The following EFHC1 variants were observed in gnomAD, a reference collection of about 807,000 sequenced individuals.
The protein encoded by EFHC1 is EF-hand domain-containing protein 1.
Under a neutral mutation model 69.9 loss-of-function variants are expected in EFHC1, and 53 were observed. The observed-to-expected ratio is 0.76, with a 90% CI of 0.61 to 0.95. The LOEUF is 0.95. Among genes scored for constraint, EFHC1 ranks in the 40% least tolerant of loss-of-function variants. The pLI is 0.00. For missense variants in EFHC1, 739 were observed against 798.7 expected, an observed-to-expected ratio of 0.93 and a Z score of 0.90; for synonymous variants, 256 against 278.4, an observed-to-expected ratio of 0.92 and a Z score of 0.80.
At chr6:52,453,174 A>T (rs1054821366) in intron 4 of EFHC1, 1 of 1,331,224 alleles carries the variant, frequency 7.5e-7, no homozygotes, top group Admixed American at 2.2e-5. Context: ...AGCTAATTTC[A>T]TAGACTCCTT....
intron 3 of EFHC1, among the ~76,000 whole-genome samples, chr6:52,447,578 A>G (rs564854836): frequency 2.0e-5 from 3 of 152,344 alleles, no homozygotes; most frequent in Non-Finnish European, 4.4e-5. Flanking sequence ...AATTCATCAA[A>G]GTCATTCTGC....
Position 52,438,567 on chromosome 6 carries a change from T to C in EFHC1, c.549T>C (p.Val183=), listed in dbSNP as rs1325583556. 2 of 1,614,010 alleles carry C rather than the reference T, an allele frequency of 1.2e-6. No homozygotes were observed. The highest frequency in any genetic ancestry group is 4.5e-5 in the East Asian group (2 of 44,882). Residue 183 remains valine (V), a synonymous_variant, in exon 3 of 11, where the codon GTT becomes GTC. Coordinates refer to ENST00000371068, the MANE Select transcript of EFHC1 (RefSeq NM_018100.4). ...CAATTTATGGCAAAACTTTCCGCGT[T>C]GTTGACTGTGACCAATTCACACAGG... ...NITIYGKTFR[V]VDCDQFTQVF...
intron 2 of EFHC1, among the ~76,000 whole-genome samples, chr6:52,427,221 C>A (rs1356311502): frequency 6.6e-6 from 1 of 152,192 alleles, no homozygotes; most frequent in Non-Finnish European, 1.5e-5. Context: ...TGAAACACTT[C>A]CATGGCTTCC....
At chr6:52,478,861 A>C (rs1429095342) in intron 7 of EFHC1, among the ~76,000 whole-genome samples, 176 bp from the exon 8 acceptor site, 2 of 152,218 alleles carry the variant, frequency 1.3e-5, no homozygotes, top group African/African-American at 4.8e-5. Flanking sequence ...AGCTTCCCTT[A>C]GATGAGGCAT....
chr6:52,422,528 A>G (rs940863218), intron 1 of EFHC1, among the ~76,000 whole-genome samples: 1 of 152,164 alleles, frequency 6.6e-6, no homozygotes, highest in African/African-American at 2.4e-5. Flanking sequence ...TGTACCTTTC[A>G]TGTTAGTACA....
At chr6:52,437,126 C>G (rs1400227368) in intron 2 of EFHC1, among the ~76,000 whole-genome samples, 1 of 151,968 alleles carries the variant, frequency 6.6e-6, no homozygotes, top group Non-Finnish European at 1.5e-5. Flanking sequence ...ATGTACACAC[C>G]CTTCAAAGAT....
intron 3 of EFHC1, among the ~76,000 whole-genome samples, chr6:52,446,731 CAGG>C (rs1207161451): frequency 2.6e-5 from 4 of 152,126 alleles, no homozygotes; most frequent in Non-Finnish European, 4.4e-5. Context: ...GTGCTTCCTT[CAGG>C]AGTTCTTTTA....
At position 52,446,850 on chromosome 6, in the gene EFHC1, A is replaced by G. The variant is rs184705624; in HGVS notation, c.574-5838A>G. On this transcript the variant is annotated intron_variant, in intron 3 of 10. Transcript: ENST00000371068. ...AGTTTGGCTGGATATGAAATTCTGG[A>G]TTGAAAATTCTTTTCTTTAAGAATG... 5.6e-3 allele frequency among the ~76,000 whole-genome samples: 846 copies of G among 152,226 alleles called. 8 individuals are homozygous for G. Among genetic ancestry groups the G allele is most frequent in the African/African-American group, 0.019 (795 of 41,550 alleles).
In EFHC1 at chr6:52,495,006, GA is replaced by G. The variant is rs1766014394; in HGVS notation, c.*2667del. Reference sequence around the variant, plus strand: ...AGAGCCCCGTTTTGGTGAGTTCTTAGAACTCTTTCCAACCGGAAACTGCCCA... The same window carrying G: ...AGAGCCCCGTTTTGGTGAGTTCTTAGACTCTTTCCAACCGGAAACTGCCCA... On this transcript the variant is annotated 3_prime_UTR_variant, in exon 11 of 11. Coordinates refer to ENST00000371068, the MANE Select transcript of EFHC1 (RefSeq NM_018100.4). 1 of 453,908 alleles carries G rather than the reference GA, an allele frequency of 2.2e-6. No homozygotes were observed. Among genetic ancestry groups the G allele is most frequent in the Admixed American group, 2.3e-5 (1 of 42,554 alleles). The allele number at this position is 453,908 out of a possible 1,614,324, so 28.1% of individuals were successfully genotyped here. A position where few individuals can be genotyped will look rare whatever the true frequency, so the allele number is the denominator to read the frequency against.
chr6:52,435,476 AC>A (rs1764511227), intron 2 of EFHC1, among the ~76,000 whole-genome samples: 2 of 152,292 alleles, frequency 1.3e-5, no homozygotes, highest in South Asian at 4.2e-4. Context: ...CATCTGCCAT[AC>A]CCAAATTATC....
At chr6:52,438,719 C>A in intron 3 of EFHC1, 128 bp downstream of exon 3, 2 of 1,022,720 alleles carry the variant, frequency 2.0e-6, no homozygotes, top group Non-Finnish European at 3.0e-6. Flanking sequence ...TTATGAATGG[C>A]TAGGTATTTG....
At chr6:52,486,258 G>A (rs1439932417) in intron 9 of EFHC1, 2 of 152,102 alleles carry the variant, frequency 1.3e-5, no homozygotes, top group African/African-American at 4.8e-5. Flanking sequence ...ATAATGCATA[G>A]GTAACTGAGT....
intron 3 of EFHC1, among the ~76,000 whole-genome samples, chr6:52,449,298 G>A (rs569060278): frequency 2.2e-4 from 33 of 151,620 alleles, no homozygotes; most frequent in Admixed American, 3.9e-4. Flanking sequence ...GGAGAATGGC[G>A]TGAACCCAGG....
At chr6:52,467,263 C>T (rs1413178035) in intron 6 of EFHC1, among the ~76,000 whole-genome samples, 3 of 150,998 alleles carry the variant, frequency 2.0e-5, no homozygotes, top group Admixed American at 6.6e-5. Context: ...CTCACTGCAA[C>T]GTCCACCTCC....
chr6:52,456,070 G>A (rs1765038015), intron 5 of EFHC1, among the ~76,000 whole-genome samples: 2 of 152,216 alleles, frequency 1.3e-5, no homozygotes, highest in Middle Eastern at 3.2e-3. Context: ...CATGTGAGGA[G>A]AGGAGAATGA....
chr6:52,455,015 C>T (rs1053336395), intron 5 of EFHC1, among the ~76,000 whole-genome samples: 1 of 151,898 alleles, frequency 6.6e-6, no homozygotes, highest in Admixed American at 6.6e-5. Flanking sequence ...TCATCTGAGC[C>T]TGGGAGGTCG....
Position 52,453,760 on chromosome 6 carries a change from A to AAT in EFHC1, c.724-325_724-324dup, listed in dbSNP as rs746668758. On this transcript the variant is annotated intron_variant, in intron 4 of 10. Coordinates refer to ENST00000371068, the MANE Select transcript of EFHC1 (RefSeq NM_018100.4). ...AACCATATTCACATGTACCTTTATTAATATATATATACCACTATGTAAAGA... is the reference window on the plus strand; with the variant it reads ...AACCATATTCACATGTACCTTTATTAATATATATATATACCACTATGTAAAGA... The AAT allele has an allele frequency of 1.3e-3, 1,558 of 1,244,616 alleles. 2 individuals carry two copies. The highest frequency in any genetic ancestry group is 1.4e-3 in the Non-Finnish European group (1,365 of 968,368). The allele number at this position is 1,244,616 out of a possible 1,614,324, so 77.1% of individuals were successfully genotyped here.
At chr6:52,438,197 G>C in intron 2 of EFHC1, 107 bp from the exon 3 acceptor site, 1 of 1,097,548 alleles carries the variant, frequency 9.1e-7, no homozygotes, top group East Asian at 2.6e-5. Flanking sequence ...AGTGATGAGT[G>C]TTAAAATCTC....
At position 52,477,352 on chromosome 6, in the gene EFHC1, T is replaced by C. The variant is rs76601633; in HGVS notation, c.1279-1685T>C. Among the ~76,000 whole-genome samples the C allele has an allele frequency of 2.8e-3, 431 of 152,306 alleles. 2 individuals carry two copies. The highest frequency in any genetic ancestry group is 9.6e-3 in the African/African-American group (401 of 41,572). On this transcript the variant is annotated intron_variant, in intron 7 of 10. Transcript: ENST00000371068. ...AAAATCTAATGACTTTTTTAATAGA[T>C]GAGGAATTATTACACAAACAATCCC...
Sources: gnomAD v4.1 joint callset for allele counts (sites outside exome capture counted in the v4.1 genomes callset) on GRCh38, gnomAD v4.1.1 for gene constraint, MANE v1.5 for transcripts, NCBI Gene and HGNC (gene_info 2026-07-23, HGNC 2026-07-21) for gene names.